Variants in NKAIN2 observed in about 807,000 individuals in gnomAD.
NKAIN2 encodes sodium/potassium transporting ATPase interacting 2.
NKAIN2 carries 14 observed loss-of-function variants against 32.6 expected under a neutral mutation model. The observed-to-expected ratio is 0.43, with a 90% CI of 0.28 to 0.67. NKAIN2 has a LOEUF of 0.67. Among genes scored for constraint, NKAIN2 ranks in the 30% least tolerant of loss-of-function variants. The probability of loss-of-function intolerance (pLI) is 0.17; values close to 1 mark genes in which losing one functional copy is unlikely to be tolerated. For missense variants in NKAIN2, 198 were observed against 258.3 expected, an observed-to-expected ratio of 0.77 and a Z score of 1.60; for synonymous variants, 80 against 87.2, an observed-to-expected ratio of 0.92 and a Z score of 0.46.
At chr6:124,092,923 C>T (rs1352649968) in intron 1 of NKAIN2, among the ~76,000 whole-genome samples, 3 of 151,984 alleles carry the variant, frequency 2.0e-5, no homozygotes, top group African/African-American at 7.2e-5. Context: ...AGATTTTCTC[C>T]CCCACTGATT....
At chr6:124,196,282 G>A (rs1182773230) in intron 1 of NKAIN2, among the ~76,000 whole-genome samples, 1 of 152,004 alleles carries the variant, frequency 6.6e-6, no homozygotes. Context: ...AAATATTAAA[G>A]ATTATATGAC....
intron 3 of NKAIN2, among the ~76,000 whole-genome samples, chr6:124,437,154 G>T (rs1329983970): frequency 6.6e-6 from 1 of 152,158 alleles, no homozygotes; most frequent in Non-Finnish European, 1.5e-5. Context: ...TGGCTCTGCT[G>T]TATTTTTTTC....
chr6:124,732,711 G>C (rs1297806450), intron 4 of NKAIN2, among the ~76,000 whole-genome samples: 1 of 151,872 alleles, frequency 6.6e-6, no homozygotes, highest in Non-Finnish European at 1.5e-5. Flanking sequence ...TGTTACCTTT[G>C]GGAGAAACTG....
chr6:124,219,659 TA>T (rs1379408592), intron 1 of NKAIN2, among the ~76,000 whole-genome samples: 1 of 152,006 alleles, frequency 6.6e-6, no homozygotes, highest in African/African-American at 2.4e-5. Context: ...TAAAAATTCA[TA>T]AGAAATACTA....
intron 1 of NKAIN2, among the ~76,000 whole-genome samples, chr6:123,958,588 C>T (rs2114605599): frequency 6.6e-6 from 1 of 152,222 alleles, no homozygotes; most frequent in East Asian, 1.9e-4. Flanking sequence ...GGCCTTGTCA[C>T]CTCCCAAAGG....
intron 1 of NKAIN2, among the ~76,000 whole-genome samples, chr6:124,209,762 AG>A (rs1259420520): frequency 6.6e-6 from 1 of 151,868 alleles, no homozygotes; most frequent in African/African-American, 2.4e-5. Context: ...TCTTATATTG[AG>A]AAATGTCTAT....
intron 4 of NKAIN2, among the ~76,000 whole-genome samples, chr6:124,788,413 C>T (rs970865608): frequency 5.3e-5 from 8 of 151,998 alleles, no homozygotes; most frequent in Admixed American, 1.3e-4. Context: ...AGATTGGATT[C>T]GTCTCTTCTC....
intron 3 of NKAIN2, among the ~76,000 whole-genome samples, chr6:124,536,055 C>T (rs1401824467): frequency 6.6e-6 from 1 of 152,210 alleles, no homozygotes; most frequent in Non-Finnish European, 1.5e-5. Flanking sequence ...TGGAGCCACG[C>T]AGAAGAGGCC....
chr6:123,965,203 C>A (rs1303841063), intron 1 of NKAIN2, among the ~76,000 whole-genome samples: 1 of 152,098 alleles, frequency 6.6e-6, no homozygotes, highest in Non-Finnish European at 1.5e-5. Flanking sequence ...AGTTACGGAA[C>A]CTAGAAGAGT....
At chr6:124,018,995 C>G (rs919379298) in intron 1 of NKAIN2, among the ~76,000 whole-genome samples, 5 of 152,250 alleles carry the variant, frequency 3.3e-5, no homozygotes, top group South Asian at 2.1e-4. Flanking sequence ...GGGGAGGCCT[C>G]ACAGTCATGG....
chr6:124,300,504 TAGAGATACC>T lies in NKAIN2; in HGVS notation c.192+17366_192+17374del, dbSNP rs1346150981. Among the ~76,000 whole-genome samples, 10 of 152,236 alleles carry T rather than the reference TAGAGATACC, an allele frequency of 6.6e-5. No homozygotes were observed. In the East Asian group the frequency reaches 1.5e-3, roughly 24 times the overall value. ...GTACCAGTAAAGTGGGATGCTGCTG[TAGAGATACC>T]AGAAAATGTGGAAGTGACTTTGGAA... On this transcript the variant is annotated intron_variant, in intron 2 of 6. Coordinates refer to ENST00000368417, the MANE Select transcript of NKAIN2 (RefSeq NM_001040214.3).
chr6:124,080,507 T>C (rs1783909929), intron 1 of NKAIN2, among the ~76,000 whole-genome samples: 1 of 152,160 alleles, frequency 6.6e-6, no homozygotes, highest in Non-Finnish European at 1.5e-5. Flanking sequence ...ATATTTTTTA[T>C]CAATTTTCCA....
At chr6:124,568,057 A>T (rs1052110236) in intron 3 of NKAIN2, among the ~76,000 whole-genome samples, 2 of 152,146 alleles carry the variant, frequency 1.3e-5, no homozygotes, top group African/African-American at 4.8e-5. Flanking sequence ...AGAGCATATG[A>T]TGCTTATGTT....
chr6:123,955,607 T>TTTA (rs1347042850), intron 1 of NKAIN2, among the ~76,000 whole-genome samples: 2 of 149,526 alleles, frequency 1.3e-5, no homozygotes, highest in African/African-American at 4.9e-5. Flanking sequence ...TTTATTTTAT[T>TTTA]TTATTTTATT....
At chr6:124,491,388 G>T (rs1370984459) in intron 3 of NKAIN2, among the ~76,000 whole-genome samples, 1 of 151,818 alleles carries the variant, frequency 6.6e-6, no homozygotes, top group South Asian at 2.1e-4. Context: ...TTACCTTTGT[G>T]AATTTCAATT....
At chr6:124,443,506 A>G (rs1429863203) in intron 3 of NKAIN2, among the ~76,000 whole-genome samples, 1 of 152,088 alleles carries the variant, frequency 6.6e-6, no homozygotes, top group Non-Finnish European at 1.5e-5. Flanking sequence ...TAGAGATAAC[A>G]CTTGTTTGTT....
chr6:124,397,912 T>C (rs928631685), intron 3 of NKAIN2, among the ~76,000 whole-genome samples: 2 of 152,022 alleles, frequency 1.3e-5, no homozygotes, highest in African/African-American at 4.8e-5. Context: ...AAAGCCAGGT[T>C]CTCAGAGTTT....
chr6:124,474,974 C>CGCAT (rs1334225843), intron 3 of NKAIN2, among the ~76,000 whole-genome samples: 1 of 148,616 alleles, frequency 6.7e-6, no homozygotes, highest in Non-Finnish European at 1.5e-5. Flanking sequence ...CGTATAGACA[C>CGCAT]GCATGCATAT....
intron 1 of NKAIN2, among the ~76,000 whole-genome samples, chr6:124,188,840 GC>G (rs1789876568): frequency 6.6e-6 from 1 of 151,984 alleles, no homozygotes; most frequent in Admixed American, 6.6e-5. Context: ...ATACTTAAAT[GC>G]CATGTTCAAT....
Sources: allele counts gnomAD v4.1 joint callset (sites outside exome capture counted in the v4.1 genomes callset), GRCh38; gene constraint gnomAD v4.1.1; transcripts MANE v1.5; gene names NCBI Gene and HGNC (gene_info 2026-07-23, HGNC 2026-07-21).